The following CHRM3 variants were observed in gnomAD, a reference collection of about 807,000 sequenced individuals.
CHRM3 encodes muscarinic acetylcholine receptor M3.
A neutral mutation model predicts 41.8 loss-of-function variants in CHRM3; 11 were observed. The ratio of observed to expected loss-of-function variants is 0.26; its 90% CI spans 0.17 to 0.44. The LOEUF is 0.44. CHRM3 is among the 20% of genes least tolerant of loss of function. The probability of loss-of-function intolerance (pLI) is 1.00; values close to 1 mark genes in which losing one functional copy is unlikely to be tolerated. For synonymous variants in CHRM3, 297 were observed against 301.4 expected (o/e 0.99, Z 0.15); for missense variants, 571 against 745.4 (o/e 0.77, Z 2.72).
intron 5 of CHRM3, among the ~76,000 whole-genome samples, chr1:239,760,120 T>C (rs903999116): frequency 2.7e-5 from 4 of 150,788 alleles, no homozygotes; most frequent in African/African-American, 9.8e-5. Context: ...AGAAACGGGG[T>C]TTCACCGTGT....
chr1:239,684,232 CT>C (rs1307071680), intron 5 of CHRM3, among the ~76,000 whole-genome samples: 1 of 152,140 alleles, frequency 6.6e-6, no homozygotes, highest in Non-Finnish European at 1.5e-5. Flanking sequence ...CAGGGCACTG[CT>C]ATGGCCCAGT....
chr1:239,548,931 C>A (rs938341726), intron 3 of CHRM3, among the ~76,000 whole-genome samples: 1 of 152,178 alleles, frequency 6.6e-6, no homozygotes. Flanking sequence ...AAAGACATAC[C>A]TGAGACTGGG....
intron 2 of CHRM3, among the ~76,000 whole-genome samples, chr1:239,545,311 A>C (rs1315130435): frequency 6.6e-6 from 1 of 152,130 alleles, no homozygotes; most frequent in Non-Finnish European, 1.5e-5. Context: ...ATAATAATGG[A>C]CATTAGAGAT....
At chr1:239,542,946 T>C (rs141282905) in intron 2 of CHRM3, among the ~76,000 whole-genome samples, 96 of 152,372 alleles carry the variant, frequency 6.3e-4, no homozygotes, top group African/African-American at 2.3e-3. Context: ...TCATGCTTTC[T>C]TCGTTTTACA....
At chr1:239,537,811 A>G (rs1269901166) in intron 2 of CHRM3, among the ~76,000 whole-genome samples, 3 of 152,210 alleles carry the variant, frequency 2.0e-5, no homozygotes, top group Non-Finnish European at 2.9e-5. Context: ...ACTCCTGAAA[A>G]TCATTCTTTT....
At chr1:239,644,546 G>C (rs1282876662) in intron 4 of CHRM3, among the ~76,000 whole-genome samples, 2 of 152,240 alleles carry the variant, frequency 1.3e-5, no homozygotes, top group Non-Finnish European at 2.9e-5. Flanking sequence ...GGGGTGGACT[G>C]TGAGCTTTAG....
At chr1:239,561,979 C>G (rs944764004) in intron 3 of CHRM3, among the ~76,000 whole-genome samples, 1 of 152,102 alleles carries the variant, frequency 6.6e-6, no homozygotes, top group Non-Finnish European at 1.5e-5. Context: ...TCTTTCCCGT[C>G]GTCCATTGTA....
intron 5 of CHRM3, among the ~76,000 whole-genome samples, chr1:239,737,118 A>G (rs959405097): frequency 9.9e-5 from 15 of 152,170 alleles, no homozygotes; most frequent in Non-Finnish European, 2.1e-4. Flanking sequence ...CTTCTCTAAT[A>G]TATTACACTA....
chr1:239,638,537 G>C (rs1475578904), intron 4 of CHRM3, among the ~76,000 whole-genome samples: 1 of 152,142 alleles, frequency 6.6e-6, no homozygotes, highest in Non-Finnish European at 1.5e-5. Flanking sequence ...TTTTTCATGT[G>C]TTTTTTGGCT....
intron 1 of CHRM3, among the ~76,000 whole-genome samples, chr1:239,402,179 A>G (rs1660033929): frequency 6.6e-6 from 1 of 152,096 alleles, no homozygotes; most frequent in Admixed American, 6.5e-5. Context: ...CTTTCTCCAA[A>G]ATATTCCACT....
At chr1:239,886,042 C>T (rs763047098) in intron 6 of CHRM3, 1 of 152,206 alleles carries the variant, frequency 6.6e-6, no homozygotes, top group African/African-American at 2.4e-5. Context: ...TTTAATACCA[C>T]ATAAGCTGCT....
intron 1 of CHRM3, among the ~76,000 whole-genome samples, chr1:239,392,928 A>G (rs1202197440): frequency 6.6e-6 from 1 of 152,188 alleles, no homozygotes; most frequent in Non-Finnish European, 1.5e-5. Flanking sequence ...GCCCACAGCC[A>G]TTTGACATTC....
intron 6 of CHRM3, among the ~76,000 whole-genome samples, chr1:239,839,834 C>T (rs1673643172): frequency 6.6e-6 from 1 of 151,584 alleles, no homozygotes; most frequent in Non-Finnish European, 1.5e-5. Context: ...AGTACTTTTG[C>T]ATAAAGCACT....
chr1:239,809,468 G>A lies in CHRM3; in HGVS notation c.-146-17784G>A, dbSNP rs886085312. Among the ~76,000 whole-genome samples, 8 of 151,642 alleles carry A rather than the reference G, an allele frequency of 5.3e-5. 1 individual carries two copies. The highest frequency in any genetic ancestry group is 2.1e-4 in the South Asian group (1 of 4,794). ...GTGTCCCCTTCCTAGGAATGAGTCCGAGGTCCACTTACTGTTTTTTTATTG... is the reference window on the plus strand; with the variant it reads ...GTGTCCCCTTCCTAGGAATGAGTCCAAGGTCCACTTACTGTTTTTTTATTG... On this transcript the variant is annotated intron_variant, in intron 5 of 6. Coordinates refer to ENST00000676153, the MANE Select transcript of CHRM3 (RefSeq NM_001375978.1).
intron 3 of CHRM3, among the ~76,000 whole-genome samples, chr1:239,560,348 G>A (rs1218227943): frequency 1.3e-5 from 2 of 151,896 alleles, no homozygotes; most frequent in African/African-American, 4.8e-5. Flanking sequence ...TTTTCCATAT[G>A]TTGTAATCTT....
intron 5 of CHRM3, among the ~76,000 whole-genome samples, chr1:239,769,903 G>A (rs1028806940): frequency 5.9e-5 from 9 of 151,702 alleles, no homozygotes; most frequent in Admixed American, 5.3e-4. Flanking sequence ...AATTATTTGC[G>A]TTGGGCTCAC....
At chr1:239,893,733 TAAA>T (rs5782109) in intron 6 of CHRM3, among the ~76,000 whole-genome samples, 1,952 of 128,596 alleles carry the variant, frequency 0.015, 12 homozygotes, top group Middle Eastern at 0.031. Flanking sequence ...TTTGAAATCA[TAAA>T]AAAAAAAAAA....
chr1:239,527,257 T>C (rs547185229), intron 2 of CHRM3, among the ~76,000 whole-genome samples: 1 of 152,216 alleles, frequency 6.6e-6, no homozygotes, highest in Non-Finnish European at 1.5e-5. Context: ...GATTGAATAA[T>C]GTTTATTGGC....
chr1:239,752,534 A>G (rs185421788), intron 5 of CHRM3, among the ~76,000 whole-genome samples: 1 of 152,342 alleles, frequency 6.6e-6, no homozygotes, highest in Non-Finnish European at 1.5e-5. Context: ...TTATAGAATT[A>G]CATAATATTA....
Sources: allele counts gnomAD v4.1 joint callset (sites outside exome capture counted in the v4.1 genomes callset), GRCh38; gene constraint gnomAD v4.1.1; transcripts MANE v1.5; gene names NCBI Gene and HGNC (gene_info 2026-07-23, HGNC 2026-07-21).